Variants in ZNF280D observed in about 807,000 individuals in gnomAD.
ZNF280D encodes the protein zinc finger protein 280D.
ZNF280D carries 39 observed loss-of-function variants against 94.7 expected under a neutral mutation model. That is an observed-to-expected ratio of 0.41 (90% confidence interval 0.32 to 0.54). The LOEUF is 0.54. Ranked by LOEUF, ZNF280D falls within the 20% of genes least tolerant of loss-of-function variation. ZNF280D has a pLI of 0.22. For synonymous variants in ZNF280D, 398 were observed against 377.6 expected (o/e 1.05, Z -0.63); for missense variants, 1,090 against 1,149.3 (o/e 0.95, Z 0.75).
chr15:56,674,551 T>C (rs2055086251), intron 13 of ZNF280D, among the ~76,000 whole-genome samples: 1 of 152,080 alleles, frequency 6.6e-6, no homozygotes, highest in African/African-American at 2.4e-5. Flanking sequence ...AAAGCTTGGA[T>C]GCTAAGTCAA....
chr15:56,733,189 G>A (rs1163146137), intron 1 of ZNF280D, among the ~76,000 whole-genome samples: 1 of 152,222 alleles, frequency 6.6e-6, no homozygotes, highest in African/African-American at 2.4e-5. Context: ...GGAGCAGAAG[G>A]CGAAGGCCTG....
At chr15:56,642,921 C>A in intron 20 of ZNF280D, 31 bp downstream of exon 20, 2 of 1,448,716 alleles carry the variant, frequency 1.4e-6, no homozygotes, top group Non-Finnish European at 1.8e-6. Flanking sequence ...AATGTATAAA[C>A]CTTTAAGGTA....
At chr15:56,681,016 T>G (rs1439961270) in intron 10 of ZNF280D, among the ~76,000 whole-genome samples, 33 of 152,330 alleles carry the variant, frequency 2.2e-4, no homozygotes, top group African/African-American at 7.9e-4. Flanking sequence ...TTCCCTTTTG[T>G]TAAACTACTG....
Position 56,631,379 on chromosome 15 carries a change from T to C in ZNF280D, c.*119A>G, listed in dbSNP as rs1430260548. On this transcript the variant is annotated 3_prime_UTR_variant, in exon 22 of 22. Coordinates refer to ENST00000267807, the MANE Select transcript of ZNF280D (RefSeq NM_017661.4). ...AGGTTGAACATACAGGTAAAGTGTA[T>C]GTGTGACCTCCCTTACATATTTCCA... The C allele has an allele frequency of 1.2e-5, 12 of 1,021,760 alleles. No homozygotes were observed. In the Admixed American group the frequency reaches 1.8e-4, roughly 15 times the overall value. 63.3% of individuals were successfully genotyped at this position (1,021,760 alleles called of 1,614,324 possible).
chr15:56,684,779 A>C (rs1369948756), intron 9 of ZNF280D, among the ~76,000 whole-genome samples: 2 of 152,198 alleles, frequency 1.3e-5, no homozygotes, highest in Admixed American at 1.3e-4. Context: ...AAGATAAAAC[A>C]AATTCATATT....
At position 56,701,204 on chromosome 15, in the gene ZNF280D, T is replaced by A. The variant is rs771664609; in HGVS notation, c.210A>T (p.Ser70=). ...ILNRVNPSSY[S]RGLKNGALSR... is the part of the protein sequence containing the mutation. The stretch of plus-strand genomic sequence containing the variant: ...TGAGTGCACCATTCTTTAGTCCCCT[T>A]GAATATGAGCTGGGGTTAACTCTGT... Residue 70 remains serine, a synonymous_variant, in exon 5 of 22, where the codon TCA becomes TCT. Transcript: ENST00000267807. 10 of 1,587,202 alleles carry A rather than the reference T, an allele frequency of 6.3e-6. No individual in the cohort carries two copies. Among genetic ancestry groups the A allele is most frequent in the Non-Finnish European group, 7.7e-6 (9 of 1,165,670 alleles).
chr15:56,702,080 C>T (rs1177583434), intron 4 of ZNF280D, among the ~76,000 whole-genome samples: 1 of 149,512 alleles, frequency 6.7e-6, no homozygotes, highest in East Asian at 1.9e-4. Context: ...TTATCTTCCT[C>T]ACAGTAGAAA....
At chr15:56,691,369 C>G (rs2056412564) in intron 7 of ZNF280D, among the ~76,000 whole-genome samples, 1 of 152,122 alleles carries the variant, frequency 6.6e-6, no homozygotes, top group Non-Finnish European at 1.5e-5. Flanking sequence ...ATCACATTCA[C>G]ATTCTTGTGA....
At chr15:56,699,672 A>G in intron 6 of ZNF280D, 7 of 690,224 alleles carry the variant, frequency 1.0e-5, no homozygotes, top group Non-Finnish European at 1.2e-5. Flanking sequence ...ATGTAACAAC[A>G]AAAAAAAATC....
chr15:56,722,773 G>A (rs922034477), intron 1 of ZNF280D, among the ~76,000 whole-genome samples: 1 of 152,036 alleles, frequency 6.6e-6, no homozygotes, highest in Non-Finnish European at 1.5e-5. Flanking sequence ...AAAGACACAT[G>A]CACACGTCTG....
intron 19 of ZNF280D, chr15:56,652,727 G>A (rs1325774316): frequency 1.0e-6 from 1 of 985,058 alleles, no homozygotes; most frequent in Non-Finnish European, 1.2e-6. Context: ...TGGCTCTTAA[G>A]GTCTGCAAGT....
At chr15:56,707,384 C>G (rs943999886) in intron 1 of ZNF280D, 78 bp from the exon 2 acceptor site, 1 of 1,268,380 alleles carries the variant, frequency 7.9e-7, no homozygotes, top group Non-Finnish European at 1.1e-6. Context: ...TTCTCCTATA[C>G]AGAGGTCAAT....
At chr15:56,680,114 C>T (rs2055519468) in intron 10 of ZNF280D, among the ~76,000 whole-genome samples, 1 of 152,080 alleles carries the variant, frequency 6.6e-6, no homozygotes, top group Admixed American at 6.6e-5. Context: ...AGGATGTTCA[C>T]AGAACAAGAT....
At chr15:56,703,100 A>T (rs570869105) in intron 4 of ZNF280D, among the ~76,000 whole-genome samples, 41 of 152,286 alleles carry the variant, frequency 2.7e-4, no homozygotes, top group Non-Finnish European at 4.3e-4. Context: ...TACATTTTTG[A>T]GTGGACATTT....
intron 13 of ZNF280D, among the ~76,000 whole-genome samples, chr15:56,674,225 A>G (rs1392805806): frequency 1.3e-5 from 2 of 152,096 alleles, no homozygotes; most frequent in Non-Finnish European, 2.9e-5. Flanking sequence ...CATTCAATGA[A>G]CATTTGCCCA....
intron 1 of ZNF280D, among the ~76,000 whole-genome samples, chr15:56,716,645 A>C (rs2058061054): frequency 6.6e-6 from 1 of 152,116 alleles, no homozygotes; most frequent in Non-Finnish European, 1.5e-5. Context: ...CCACTGAGGG[A>C]TTTTAAGTGG....
Position 56,648,772 on chromosome 15 carries a change from A to G in ZNF280D, c.2213+5426T>C, listed in dbSNP as rs370489254. ...ATGTGCTCAGTAAATGTTAGTTATT[A>G]TTGTCATGGGTATGGGTAGAGTATA... On this transcript the variant is annotated intron_variant, in intron 19 of 21. Transcript: ENST00000267807. 3.2e-4 allele frequency among the ~76,000 whole-genome samples: 48 copies of G among 152,324 alleles called. No individual in the cohort carries two copies. The South Asian group carries it at 8.1e-3, about 26-fold the overall frequency.
At chr15:56,651,208 G>A (rs1751937940) in intron 19 of ZNF280D, among the ~76,000 whole-genome samples, 4 of 152,204 alleles carry the variant, frequency 2.6e-5, no homozygotes. Flanking sequence ...AACAGGGCAA[G>A]AATCTGAGCC....
intron 1 of ZNF280D, among the ~76,000 whole-genome samples, chr15:56,723,996 A>C (rs1186779871): frequency 1.3e-5 from 2 of 152,186 alleles, no homozygotes; most frequent in Admixed American, 6.5e-5. Context: ...GTATGTTATC[A>C]GTTGTTTACC....
Sources: gnomAD v4.1 joint callset for allele counts (sites outside exome capture counted in the v4.1 genomes callset) on GRCh38, gnomAD v4.1.1 for gene constraint, MANE v1.5 for transcripts, NCBI Gene and HGNC (gene_info 2026-07-23, HGNC 2026-07-21) for gene names.